POLA1: variants seen among roughly 807,000 people sequenced by gnomAD.
POLA1 encodes DNA polymerase alpha catalytic subunit.
A neutral mutation model predicts 124.0 loss-of-function variants in POLA1; 15 were observed. That is an observed-to-expected ratio of 0.12 (90% CI 0.08 to 0.19). The LOEUF (loss-of-function observed/expected upper bound fraction) is 0.19. Among genes scored for constraint, POLA1 ranks in the 10% least tolerant of loss-of-function variants. The pLI is 1.00. For synonymous variants in POLA1, 408 were observed against 389.4 expected (o/e 1.05, Z -0.56); for missense variants, 886 against 1,103.4 (o/e 0.80, Z 2.79).
At chrX:24,895,740 G>T (rs776830977) in intron 35 of POLA1, among the ~76,000 whole-genome samples, 1 of 112,196 alleles carries the variant, frequency 8.9e-6, no homozygotes, top group Non-Finnish European at 1.9e-5. Context: ...GGCTTCTGCA[G>T]TTCTTGGAGA....
chrX:24,895,782 A>G (rs2147151564), intron 35 of POLA1, among the ~76,000 whole-genome samples: 1 of 112,641 alleles, frequency 8.9e-6, no homozygotes, highest in African/African-American at 3.2e-5. Context: ...TCTTCTCCAA[A>G]GTATTGGTTA....
chrX:24,926,617 C>T (rs2047695189), intron 35 of POLA1, among the ~76,000 whole-genome samples: 1 of 111,679 alleles, frequency 9.0e-6, no homozygotes, highest in Non-Finnish European at 1.9e-5. Flanking sequence ...ACTTCTCAGC[C>T]TATTTTGGAT....
At chrX:24,831,629 C>T (rs1486655898) in intron 32 of POLA1, among the ~76,000 whole-genome samples, 2 of 111,225 alleles carry the variant, frequency 1.8e-5, no homozygotes, top group Admixed American at 9.5e-5. Flanking sequence ...CCATGTTGGC[C>T]AGGCTGGTCT....
chrX:24,721,482 T>A (rs1930199015), intron 10 of POLA1, among the ~76,000 whole-genome samples: 1 of 112,641 alleles, frequency 8.9e-6, no homozygotes, highest in South Asian at 3.7e-4. Flanking sequence ...CAGGTAATGA[T>A]CACTGAGCTT....
chrX:24,709,204 C>A (rs1420269747), intron 4 of POLA1, among the ~76,000 whole-genome samples: 8 of 100,643 alleles, frequency 7.9e-5, no homozygotes, highest in Non-Finnish European at 1.4e-4. Flanking sequence ...CTGACCCCCC[C>A]ACCTCCCTCC....
intron 35 of POLA1, among the ~76,000 whole-genome samples, chrX:24,891,109 A>T (rs779356096): frequency 3.6e-4 from 40 of 112,547 alleles, no homozygotes; most frequent in African/African-American, 1.1e-3. Flanking sequence ...CATTTCGAGG[A>T]TGATGTTGAT....
intron 36 of POLA1, among the ~76,000 whole-genome samples, chrX:24,933,813 A>G (rs965070177): frequency 3.6e-5 from 4 of 112,524 alleles, no homozygotes; most frequent in African/African-American, 9.7e-5. Flanking sequence ...CTTTCAAACG[A>G]GAGTTTACAG....
chrX:24,707,150 CAT>C (rs1928866515), intron 4 of POLA1, among the ~76,000 whole-genome samples: 1 of 112,245 alleles, frequency 8.9e-6, no homozygotes, highest in African/African-American at 3.2e-5. Context: ...AGAATGAGCT[CAT>C]GTGCCACTTT....
At chrX:24,718,424 G>A (rs1929989444) in intron 10 of POLA1, among the ~76,000 whole-genome samples, 1 of 111,875 alleles carries the variant, frequency 8.9e-6, no homozygotes, top group Admixed American at 9.5e-5. Context: ...TCAGCTTAAC[G>A]AGCCAAGTAC....
chrX:24,972,521 A>G (rs1415675846), intron 36 of POLA1, among the ~76,000 whole-genome samples: 2 of 111,810 alleles, frequency 1.8e-5, no homozygotes, highest in Admixed American at 9.5e-5. Context: ...CCAAACGTAT[A>G]TGCTGCACAA....
At chrX:24,951,168 C>A (rs773124096) in intron 36 of POLA1, among the ~76,000 whole-genome samples, 2 of 100,952 alleles carry the variant, frequency 2.0e-5, no homozygotes, top group South Asian at 1.0e-3. Context: ...CAAAACAGGT[C>A]CCCACCCCAC....
intron 36 of POLA1, among the ~76,000 whole-genome samples, chrX:24,984,698 T>TCA (rs1299144575): frequency 9.8e-6 from 1 of 101,837 alleles, no homozygotes; most frequent in Non-Finnish European, 2.0e-5. Context: ...CTTGCTCTGT[T>TCA]GCCCAGGCTG....
intron 35 of POLA1, among the ~76,000 whole-genome samples, chrX:24,904,473 C>A (rs1269287167): frequency 9.3e-6 from 1 of 108,062 alleles, no homozygotes; most frequent in South Asian, 4.1e-4. Flanking sequence ...TTCAAGTAAC[C>A]TTATGGTGGC....
At chrX:24,853,468 A>G (rs192641845) in intron 34 of POLA1, among the ~76,000 whole-genome samples, 183 of 112,079 alleles carry the variant, frequency 1.6e-3, no homozygotes, top group Non-Finnish European at 2.7e-3. Context: ...TTGTAACATC[A>G]TGCCTTGGTC....
intron 29 of POLA1, among the ~76,000 whole-genome samples, chrX:24,813,187 ATTG>A (rs1405141647): frequency 3.6e-5 from 4 of 110,574 alleles, no homozygotes; most frequent in Non-Finnish European, 7.6e-5. Flanking sequence ...GTTTTGCTCT[ATTG>A]TTGCTATTAG....
intron 36 of POLA1, among the ~76,000 whole-genome samples, chrX:24,947,369 G>A (rs935068042): frequency 2.0e-5 from 2 of 97,816 alleles, no homozygotes; most frequent in African/African-American, 7.5e-5. Flanking sequence ...CCAGGTTCAG[G>A]TGACCCTCCC....
At chrX:24,834,115 A>G (rs1358488448) in intron 32 of POLA1, among the ~76,000 whole-genome samples, 2 of 108,749 alleles carry the variant, frequency 1.8e-5, no homozygotes, top group African/African-American at 6.7e-5. Flanking sequence ...CAGAAAGAAA[A>G]AAAAAAAAAA....
rs775563674 is a variant in POLA1, at chrX:24,788,749, A to G, written c.2965-21149A>G. 32 of 1,201,298 alleles carry G rather than the reference A, an allele frequency of 2.7e-5. No homozygotes were observed. In the Admixed American group the frequency reaches 4.8e-4, roughly 18 times the overall value. On this transcript the variant is annotated intron_variant, in intron 26 of 36. Transcript: ENST00000379068. ...TTGCTTCTTCACTTTCCTCCTCATCATCAGATCCAAAGAGGTCAATGTCAT... is the reference window on the plus strand; with the variant it reads ...TTGCTTCTTCACTTTCCTCCTCATCGTCAGATCCAAAGAGGTCAATGTCAT...
intron 26 of POLA1, among the ~76,000 whole-genome samples, chrX:24,804,718 G>A (rs1301724101): frequency 1.8e-5 from 2 of 111,646 alleles, no homozygotes; most frequent in Admixed American, 9.5e-5. Flanking sequence ...TGGAAAGCTG[G>A]TGTTTTCTCT....
Sources: gnomAD v4.1 joint callset for allele counts (sites outside exome capture counted in the v4.1 genomes callset) on GRCh38, gnomAD v4.1.1 for gene constraint, MANE v1.5 for transcripts, NCBI Gene and HGNC (gene_info 2026-07-23, HGNC 2026-07-21) for gene names.